SLC41A3: variants seen among roughly 807,000 people sequenced by gnomAD.
The protein encoded by SLC41A3 is SLC41A1-like 2.
A neutral mutation model predicts 45.4 loss-of-function variants in SLC41A3; 44 were observed. The ratio of observed to expected loss-of-function variants is 0.97; its 90% CI spans 0.76 to 1.25. The LOEUF (loss-of-function observed/expected upper bound fraction) is 1.25. Ranked by LOEUF, SLC41A3 falls within the 50% of genes most tolerant of loss-of-function variation. The pLI, the probability that SLC41A3 is intolerant of heterozygous loss-of-function variation, is 0.00. For missense variants in SLC41A3, 550 were observed against 600.6 expected (o/e 0.92, Z 0.88); for synonymous variants, 256 against 252.4 (o/e 1.01, Z -0.13).
chr3:126,059,604 G>T (rs1943948516), intron 2 of SLC41A3, among the ~76,000 whole-genome samples: 1 of 152,158 alleles, frequency 6.6e-6, no homozygotes, highest in South Asian at 2.1e-4. Context: ...CACACAGCAA[G>T]TTAGTGTCAA....
At chr3:126,033,781 C>T in intron 3 of SLC41A3, 103 bp from the exon 4 acceptor site, 2 of 1,221,860 alleles carry the variant, frequency 1.6e-6, no homozygotes, top group Non-Finnish European at 2.3e-6. Context: ...CAACAAATAC[C>T]ATTTCATCAG....
intron 2 of SLC41A3, among the ~76,000 whole-genome samples, chr3:126,066,691 T>C (rs190050036): frequency 5.3e-5 from 8 of 152,340 alleles, no homozygotes; most frequent in Non-Finnish European, 7.3e-5. Context: ...CAAACCTTCT[T>C]GGAAGGCCGG....
chr3:126,053,673 G>A (rs771159030), intron 2 of SLC41A3, among the ~76,000 whole-genome samples: 5 of 152,108 alleles, frequency 3.3e-5, no homozygotes, highest in Admixed American at 6.5e-5. Context: ...GTTACCTGCA[G>A]CCAATAGCAA....
At chr3:126,080,150 G>T (rs1945079458) in intron 1 of SLC41A3, among the ~76,000 whole-genome samples, 1 of 152,148 alleles carries the variant, frequency 6.6e-6, no homozygotes, top group Admixed American at 6.5e-5. Context: ...CAGGACATTG[G>T]TCTGGGCAGA....
At chr3:126,086,427 T>G (rs548594513), upstream of SLC41A3, among the ~76,000 whole-genome samples, 53 of 137,164 alleles carry the variant, frequency 3.9e-4, no homozygotes, top group South Asian at 3.2e-3. Context: ...TTTTTTTTTT[T>G]TTTTTTTTTT....
At chr3:126,065,051 G>GC (rs1302850260) in intron 2 of SLC41A3, among the ~76,000 whole-genome samples, 2 of 152,240 alleles carry the variant, frequency 1.3e-5, no homozygotes, top group Non-Finnish European at 2.9e-5. Context: ...GTGAAGTGCA[G>GC]CCCCTGGCTG....
chr3:126,033,046 A>T (rs562273635), intron 4 of SLC41A3, among the ~76,000 whole-genome samples: 1 of 152,298 alleles, frequency 6.6e-6, no homozygotes, highest in East Asian at 1.9e-4. Flanking sequence ...ATAAGAGCTC[A>T]GTGGAACTGG....
At chr3:126,017,467 C>T (rs1357902810) in intron 6 of SLC41A3, among the ~76,000 whole-genome samples, 1 of 152,234 alleles carries the variant, frequency 6.6e-6, no homozygotes, top group African/African-American at 2.4e-5. Flanking sequence ...CTCATCTTCT[C>T]CACTGGCGAG....
At chr3:126,065,851 A>C (rs1299740826) in intron 2 of SLC41A3, among the ~76,000 whole-genome samples, 4 of 152,254 alleles carry the variant, frequency 2.6e-5, no homozygotes, top group Non-Finnish European at 5.9e-5. Context: ...TATCAATAAG[A>C]AAACAGAAAA....
intron 3 of SLC41A3, among the ~76,000 whole-genome samples, chr3:126,034,958 T>A (rs541133360): frequency 5.9e-5 from 9 of 152,368 alleles, no homozygotes; most frequent in African/African-American, 2.2e-4. Context: ...TTGCTGTGCA[T>A]GTGAGCCTGA....
chr3:126,017,976 A>C (rs776248688), intron 6 of SLC41A3, among the ~76,000 whole-genome samples: 6 of 152,140 alleles, frequency 3.9e-5, no homozygotes, highest in Non-Finnish European at 7.4e-5. Flanking sequence ...GATGCTTTTG[A>C]ATCCAGTCTG....
At chr3:126,034,429 G>C (rs899738180) in intron 3 of SLC41A3, among the ~76,000 whole-genome samples, 9 of 152,140 alleles carry the variant, frequency 5.9e-5, no homozygotes, top group African/African-American at 1.9e-4. Flanking sequence ...GAACTCCAAG[G>C]AGAAAAATAT....
At chr3:126,032,454 G>A (rs1175878774) in intron 4 of SLC41A3, among the ~76,000 whole-genome samples, 2 of 152,230 alleles carry the variant, frequency 1.3e-5, no homozygotes, top group Non-Finnish European at 2.9e-5. Context: ...CCATCCACAA[G>A]GCACAGCTGA....
intron 3 of SLC41A3, among the ~76,000 whole-genome samples, chr3:126,046,236 C>A (rs1408387563): frequency 1.3e-5 from 2 of 151,980 alleles, no homozygotes; most frequent in African/African-American, 4.8e-5. Flanking sequence ...ACTAAAAGTT[C>A]TGGTCAGAGA....
intron 1 of SLC41A3, among the ~76,000 whole-genome samples, chr3:126,073,487 C>T (rs1944727613): frequency 1.3e-5 from 2 of 151,978 alleles, no homozygotes; most frequent in Non-Finnish European, 1.5e-5. Context: ...TTATTAGGTA[C>T]TATGTTTATT....
At chr3:126,087,645 A>G (rs571667379), upstream of SLC41A3, among the ~76,000 whole-genome samples, 42 of 152,184 alleles carry the variant, frequency 2.8e-4, no homozygotes, top group African/African-American at 9.6e-4. Context: ...AAGTGATACT[A>G]TATAAGAAAG....
intron 6 of SLC41A3, among the ~76,000 whole-genome samples, chr3:126,017,481 C>A (rs1940421414): frequency 6.6e-6 from 1 of 152,220 alleles, no homozygotes; most frequent in Non-Finnish European, 1.5e-5. Flanking sequence ...TGGCGAGAGG[C>A]CAGTGAAGAC....
rs951252079 is a variant in SLC41A3 at position 126,026,684 on chromosome 3, C to A, written c.454-205G>T. On this transcript the variant is annotated intron_variant, in intron 4 of 10. Transcript: ENST00000360370. This position sits in a 1 kb window ranked among gnomAD's most constrained non-coding sequence, Gnocchi z 4.2. ...CTTGAACTCAACTCCTCCGAAACCA[C>A]GCTGGCCACCTCTGCTCCCTTGCTA... 6.6e-6 allele frequency among the ~76,000 whole-genome samples: 1 copy of A among 152,212 alleles called. No individual in the cohort carries two copies. The highest frequency in any genetic ancestry group is 1.5e-5 in the Non-Finnish European group (1 of 68,040).
At chr3:126,099,223 A>G (rs908359759) in intron 1 of SLC41A3, among the ~76,000 whole-genome samples, 1 of 152,142 alleles carries the variant, frequency 6.6e-6, no homozygotes, top group African/African-American at 2.4e-5. Context: ...CCTGTGAGTA[A>G]AATCTGAATT....
Sources: gnomAD v4.1 joint callset for allele counts (sites outside exome capture counted in the v4.1 genomes callset) on GRCh38, gnomAD v4.1.1 for gene constraint, Gnocchi (gnomAD v3.1) non-coding constraint, MANE v1.5 for transcripts, NCBI Gene and HGNC (gene_info 2026-07-23, HGNC 2026-07-21) for gene names.